Variants in ADGRL3 observed in about 807,000 individuals in gnomAD.
ADGRL3 encodes adhesion G protein-coupled receptor L3.
Under a neutral mutation model 153.5 loss-of-function variants are expected in ADGRL3, and 62 were observed. The observed-to-expected ratio is 0.40, with a 90% CI of 0.33 to 0.50. The LOEUF (loss-of-function observed/expected upper bound fraction) is 0.50, where lower values mean the gene tolerates loss of function less well. ADGRL3 is among the 20% of genes least tolerant of loss of function. The pLI is 0.47. For synonymous variants in ADGRL3, 710 were observed against 672.5 expected (o/e 1.06, Z -0.86); for missense variants, 1,641 against 1,859.4 (o/e 0.88, Z 2.16).
intron 9 of ADGRL3, among the ~76,000 whole-genome samples, chr4:61,843,206 G>T (rs926754865): frequency 6.6e-6 from 1 of 152,104 alleles, no homozygotes; most frequent in African/African-American, 2.4e-5. Context: ...TTGGGTAATG[G>T]TGATGTCATT....
In ADGRL3 at chr4:62,002,433, A is replaced by C. The variant is rs529755521; in HGVS notation, c.3395+4168A>C. On this transcript the variant is annotated intron_variant, in intron 21 of 26. Transcript: ENST00000683033. The stretch of plus-strand genomic sequence containing the variant: ...TCCTAATTAATTAAATTATTATTTT[A>C]TTATCTTAAAAATTAACTTTTTAAA... Among the ~76,000 whole-genome samples, 10 of 151,346 alleles carry C rather than the reference A, an allele frequency of 6.6e-5. No individual in the cohort carries two copies. The South Asian group carries it at 1.9e-3, about 29-fold the overall frequency.
At chr4:61,444,717 G>A (rs971451825) in intron 2 of ADGRL3, among the ~76,000 whole-genome samples, 1 of 151,990 alleles carries the variant, frequency 6.6e-6, no homozygotes. Flanking sequence ...AACTCTTTCA[G>A]GTTAAATACA....
intron 1 of ADGRL3, among the ~76,000 whole-genome samples, chr4:61,341,024 A>T (rs967270009): frequency 2.6e-4 from 39 of 152,012 alleles, no homozygotes; most frequent in Admixed American, 4.6e-4. Context: ...ATGTATCAGT[A>T]TTGTGATAGT....
intron 6 of ADGRL3, among the ~76,000 whole-genome samples, chr4:61,711,485 T>C (rs1469669710): frequency 0.011 from 1,196 of 106,116 alleles, 138 homozygotes; most frequent in African/African-American, 0.039. Context: ...TATATATATA[T>C]ATATATACAC....
At chr4:61,856,950 C>CCCTTTCTT (rs1554048270) in intron 9 of ADGRL3, among the ~76,000 whole-genome samples, 7 of 56,970 alleles carry the variant, frequency 1.2e-4, no homozygotes, top group Non-Finnish European at 2.5e-4. Flanking sequence ...CTTTCTTCTT[C>CCCTTTCTT]TCTTTCTTTC....
intron 1 of ADGRL3, among the ~76,000 whole-genome samples, chr4:61,267,625 C>T (rs1196417967): frequency 5.9e-5 from 9 of 151,580 alleles, no homozygotes; most frequent in Non-Finnish European, 8.9e-5. Context: ...GATGGCTGCC[C>T]CTTTTCCTGA....
intron 23 of ADGRL3, among the ~76,000 whole-genome samples, chr4:62,036,542 T>G (rs1204105910): frequency 1.3e-5 from 2 of 152,158 alleles, no homozygotes; most frequent in Non-Finnish European, 2.9e-5. Flanking sequence ...CACAATGAAT[T>G]TTACAATAAT....
chr4:61,693,684 T>G (rs1159456399), intron 6 of ADGRL3, among the ~76,000 whole-genome samples: 1 of 152,174 alleles, frequency 6.6e-6, no homozygotes, highest in Non-Finnish European at 1.5e-5. Context: ...AAGATAAAGT[T>G]TATTTAGTTT....
At chr4:61,960,898 T>C (rs1338738798) in intron 17 of ADGRL3, among the ~76,000 whole-genome samples, 1 of 152,144 alleles carries the variant, frequency 6.6e-6, no homozygotes, top group Admixed American at 6.5e-5. Context: ...TTAGTAGAGA[T>C]GAGGTTTCAC....
At chr4:61,776,944 A>T (rs2097158545) in intron 8 of ADGRL3, among the ~76,000 whole-genome samples, 1 of 152,228 alleles carries the variant, frequency 6.6e-6, no homozygotes, top group East Asian at 1.9e-4. Flanking sequence ...ATATATAATG[A>T]TCTGAGAAAT....
intron 5 of ADGRL3, among the ~76,000 whole-genome samples, chr4:61,624,925 A>G (rs1367165528): frequency 6.6e-6 from 1 of 152,114 alleles, no homozygotes; most frequent in Admixed American, 6.6e-5. Flanking sequence ...TTAAAATTAC[A>G]CTATTGTAGT....
intron 9 of ADGRL3, among the ~76,000 whole-genome samples, chr4:61,832,807 T>G (rs1161895626): frequency 7.3e-6 from 1 of 137,746 alleles, no homozygotes; most frequent in Admixed American, 7.6e-5. Context: ...CTCTGTTTTC[T>G]TTTTCTTTTT....
rs1240977991 is a variant in ADGRL3 at position 61,438,868 on chromosome 4, C to T, written c.-174+55679C>T. Among the ~76,000 whole-genome samples, 8 of 151,906 alleles carry T rather than the reference C, an allele frequency of 5.3e-5. No individual in the cohort carries two copies. The East Asian group carries it at 1.2e-3, about 22-fold the overall frequency. ...GACTACAGGCGCCCGCCACCACGCC[C>T]GGCTAATTTTTTGTATTTTTAGTAG... On this transcript the variant is annotated intron_variant, in intron 2 of 26. Transcript: ENST00000683033.
rs577761285 is a variant in ADGRL3 at position 61,218,373 on chromosome 4, C to T, written c.-240+16608C>T. ...TCACCCAGGCTGGAGTGCAGCAGCACGATTATGGCTCACTGCAGCCTCGAC... is the reference window on the plus strand; with the variant it reads ...TCACCCAGGCTGGAGTGCAGCAGCATGATTATGGCTCACTGCAGCCTCGAC... On this transcript the variant is annotated intron_variant, in intron 1 of 26. Transcript: ENST00000683033. Among the ~76,000 whole-genome samples, 5 of 152,050 alleles carry T rather than the reference C, an allele frequency of 3.3e-5. No individual in the cohort carries two copies. The East Asian group carries it at 7.7e-4, about 24-fold the overall frequency.
intron 4 of ADGRL3, among the ~76,000 whole-genome samples, chr4:61,560,808 A>T (rs1404488158): frequency 6.6e-6 from 1 of 152,078 alleles, no homozygotes; most frequent in Non-Finnish European, 1.5e-5. Flanking sequence ...ATGTCAATAA[A>T]CCAGTGGGAA....
chr4:61,508,903 T>C (rs924370072), intron 3 of ADGRL3, among the ~76,000 whole-genome samples: 2 of 152,060 alleles, frequency 1.3e-5, no homozygotes, highest in Non-Finnish European at 2.9e-5. Flanking sequence ...ACTTCTTATA[T>C]GGCAGCAGCA....
chr4:61,379,716 T>G (rs911369054), intron 1 of ADGRL3, among the ~76,000 whole-genome samples: 6 of 152,060 alleles, frequency 3.9e-5, no homozygotes, highest in African/African-American at 1.4e-4. Context: ...TAACATATTT[T>G]CCATCTTAAT....
intron 2 of ADGRL3, among the ~76,000 whole-genome samples, chr4:61,467,234 T>C (rs2097895845): frequency 6.6e-6 from 1 of 152,150 alleles, no homozygotes; most frequent in Non-Finnish European, 1.5e-5. Flanking sequence ...ATTTTAGATA[T>C]GTTTTGTTTC....
chr4:61,519,937 C>T (rs552899438), intron 4 of ADGRL3, among the ~76,000 whole-genome samples: 1 of 152,274 alleles, frequency 6.6e-6, no homozygotes, highest in East Asian at 1.9e-4. Context: ...ATATATTAAC[C>T]TCTGTTCGTT....
Sources: allele counts gnomAD v4.1 joint callset (sites outside exome capture counted in the v4.1 genomes callset), GRCh38; gene constraint gnomAD v4.1.1; transcripts MANE v1.5; gene names NCBI Gene and HGNC (gene_info 2026-07-23, HGNC 2026-07-21).